The following BNC2 variants were observed in gnomAD, a reference collection of about 807,000 sequenced individuals.
BNC2 encodes the protein basonuclin zinc finger protein 2.
A neutral mutation model predicts 76.3 loss-of-function variants in BNC2; 20 were observed. The ratio of observed to expected loss-of-function variants is 0.26; its 90% CI spans 0.18 to 0.38. The LOEUF is 0.38. Among genes scored for constraint, BNC2 ranks in the 10% least tolerant of loss-of-function variants. BNC2 has a pLI of 1.00. For missense variants in BNC2, 1,382 were observed against 1,399.8 expected, an observed-to-expected ratio of 0.99 and a Z score of 0.20; for synonymous variants, 582 against 514.8, an observed-to-expected ratio of 1.13 and a Z score of -1.77.
chr9:16,480,124 A>G (rs1822014842), intron 5 of BNC2, among the ~76,000 whole-genome samples: 2 of 152,218 alleles, frequency 1.3e-5, no homozygotes, highest in Non-Finnish European at 2.9e-5. Flanking sequence ...GGTACTTTTA[A>G]TATTATCATC....
chr9:16,859,144 C>G (rs372908808), intron 1 of BNC2, among the ~76,000 whole-genome samples: 1 of 151,080 alleles, frequency 6.6e-6, no homozygotes. Context: ...CAAAACCACA[C>G]TGAGATATCA....
At chr9:16,808,605 C>T (rs966223144) in intron 1 of BNC2, among the ~76,000 whole-genome samples, 1 of 151,010 alleles carries the variant, frequency 6.6e-6, no homozygotes, top group African/African-American at 2.4e-5. Flanking sequence ...CCTCCCACCT[C>T]GGCCTCCTGA....
intron 1 of BNC2, among the ~76,000 whole-genome samples, chr9:16,741,695 C>T (rs918761888): frequency 6.6e-6 from 1 of 152,026 alleles, no homozygotes; most frequent in Non-Finnish European, 1.5e-5. Context: ...CGGTGGCTCA[C>T]GCCTGTAATC....
chr9:16,734,228 T>C (rs926337608), intron 2 of BNC2, among the ~76,000 whole-genome samples: 2 of 152,234 alleles, frequency 1.3e-5, no homozygotes. Flanking sequence ...ACCTAGTGCC[T>C]ATCTGTGAAT....
chr9:16,762,756 A>C (rs1411298810), intron 1 of BNC2, among the ~76,000 whole-genome samples: 1 of 152,202 alleles, frequency 6.6e-6, no homozygotes. Flanking sequence ...GATTCCACAG[A>C]ACATATTCTG....
chr9:16,478,740 C>T (rs1050233706), intron 5 of BNC2, among the ~76,000 whole-genome samples: 2 of 152,104 alleles, frequency 1.3e-5, no homozygotes, highest in African/African-American at 2.4e-5. Context: ...ATTAACCATA[C>T]AGCTGCTGGC....
intron 1 of BNC2, among the ~76,000 whole-genome samples, chr9:16,755,980 C>T (rs572105779): frequency 3.3e-5 from 5 of 152,270 alleles, no homozygotes; most frequent in Admixed American, 6.5e-5. Context: ...TGTAGAGATA[C>T]GTCTAAGTCA....
At chr9:16,537,952 A>G (rs982409540) in intron 5 of BNC2, among the ~76,000 whole-genome samples, 1 of 152,194 alleles carries the variant, frequency 6.6e-6, no homozygotes, top group Non-Finnish European at 1.5e-5. Context: ...ATACTTTTCC[A>G]TATGGGAAAT....
At chr9:16,461,130 G>C (rs910789196) in intron 5 of BNC2, among the ~76,000 whole-genome samples, 3 of 151,982 alleles carry the variant, frequency 2.0e-5, no homozygotes, top group African/African-American at 7.3e-5. Flanking sequence ...AAACATGCAG[G>C]GATAAGATTC....
intron 1 of BNC2, among the ~76,000 whole-genome samples, chr9:16,752,610 T>A (rs531040987): frequency 9.5e-6 from 1 of 104,714 alleles, no homozygotes; most frequent in Non-Finnish European, 2.9e-5. Context: ...CCTCTCAAAT[T>A]GCTAGATTTT....
At chr9:16,792,797 G>A (rs756570147) in intron 1 of BNC2, among the ~76,000 whole-genome samples, 5 of 152,196 alleles carry the variant, frequency 3.3e-5, no homozygotes, top group Non-Finnish European at 7.3e-5. Flanking sequence ...CAGTAACACT[G>A]ACCCTGAAAG....
rs1272155223 is a variant in BNC2 at position 16,410,858 on chromosome 9, G to C, written c.*8131C>G. ...CAAAAATACTCCAAATTGGGGACTA[G>C]ATTTAAAAAAAGAAACAGCCTTGGT... On this transcript the variant is annotated 3_prime_UTR_variant, in exon 7 of 7. Transcript: ENST00000380672. The C allele has an allele frequency of 6.6e-6, 1 of 152,134 alleles. No homozygotes were observed. Among genetic ancestry groups the C allele is most frequent in the Non-Finnish European group, 1.5e-5 (1 of 68,062 alleles). The allele number at this position is 152,134 out of a possible 1,614,324, so 9.4% of individuals were successfully genotyped here.
chr9:16,684,539 G>C (rs1441916999), intron 3 of BNC2, among the ~76,000 whole-genome samples: 4 of 152,046 alleles, frequency 2.6e-5, no homozygotes, highest in Non-Finnish European at 5.9e-5. Context: ...TCACTGCATA[G>C]AAGTCCATTT....
chr9:16,694,587 G>C (rs1823279936), intron 3 of BNC2, among the ~76,000 whole-genome samples: 3 of 152,144 alleles, frequency 2.0e-5, no homozygotes, highest in Non-Finnish European at 4.4e-5. Context: ...AGGGGAGCCA[G>C]GGGAGCCTTT....
At chr9:16,856,942 T>G (rs1819272940) in intron 1 of BNC2, among the ~76,000 whole-genome samples, 1 of 152,192 alleles carries the variant, frequency 6.6e-6, no homozygotes, top group Admixed American at 6.5e-5. Context: ...ATGTATTGTT[T>G]CAGTTACTTA....
chr9:16,816,379 T>C (rs1316365198), intron 1 of BNC2, among the ~76,000 whole-genome samples: 1 of 152,160 alleles, frequency 6.6e-6, no homozygotes, highest in Admixed American at 6.5e-5. Context: ...CAGGGGCATG[T>C]AGGTGTGCAC....
intron 1 of BNC2, among the ~76,000 whole-genome samples, chr9:16,830,901 A>G (rs1818563446): frequency 6.6e-6 from 1 of 152,238 alleles, no homozygotes; most frequent in Admixed American, 6.5e-5. Flanking sequence ...TTGAGGAATG[A>G]AAGAATAGCA....
chr9:16,668,781 G>GCCAA, intron 3 of BNC2, among the ~76,000 whole-genome samples: 1 of 152,144 alleles, frequency 6.6e-6, no homozygotes, highest in African/African-American at 2.4e-5. Context: ...CTCTTGTTGG[G>GCCAA]CAAACTGCCC....
intron 5 of BNC2, among the ~76,000 whole-genome samples, chr9:16,532,147 T>G (rs1817996200): frequency 6.6e-6 from 1 of 151,728 alleles, no homozygotes; most frequent in South Asian, 2.1e-4. Flanking sequence ...GATACTGGAG[T>G]GGCATTAGGA....
Sources: allele counts gnomAD v4.1 joint callset (sites outside exome capture counted in the v4.1 genomes callset), GRCh38; gene constraint gnomAD v4.1.1; transcripts MANE v1.5; gene names NCBI Gene and HGNC (gene_info 2026-07-23, HGNC 2026-07-21).